The following PHOX2B variants were observed in gnomAD, a reference collection of about 807,000 sequenced individuals.
The protein encoded by PHOX2B is paired mesoderm homeobox protein 2B.
PHOX2B carries 1 observed loss-of-function variant against 15.5 expected under a neutral mutation model. The ratio of observed to expected loss-of-function variants is 0.06; its 90% CI spans 0.02 to 0.31. PHOX2B has a LOEUF of 0.31. PHOX2B is among the 10% of genes least tolerant of loss of function. The pLI, the probability that PHOX2B is intolerant of heterozygous loss-of-function variation, is 1.00. For missense variants in PHOX2B, 314 were observed against 436.4 expected (o/e 0.72, Z 2.50); for synonymous variants, 206 against 190.5 (o/e 1.08, Z -0.67).
rs1015432304 is a variant in PHOX2B, at chr4:41,745,288, T to C, written c.*519A>G. ...TTTCCTTATGTTTTTTAAACCTTTC[T>C]GGGTTGTTGGCTTTTTGTTTTTTAA... On this transcript the variant is annotated 3_prime_UTR_variant, in exon 3 of 3. Coordinates refer to ENST00000226382, the MANE Select transcript of PHOX2B (RefSeq NM_003924.4). The surrounding 1 kb of genome is among the most constrained non-coding windows in gnomAD (Gnocchi z 4.0). The C allele has an allele frequency of 4.7e-5, 11 of 233,872 alleles. No individual in the cohort carries two copies. The highest frequency in any genetic ancestry group is 2.4e-4 in the African/African-American group (11 of 45,352). The allele number at this position is 233,872 out of a possible 1,614,324, so 14.5% of individuals were successfully genotyped here.
Position 41,745,481 on chromosome 4 carries a change from T to A in PHOX2B, c.*326A>T, listed in dbSNP as rs957152597. ...AAACTGACACGCAGACACAGCCCCCTGAGAGTGCCCCGCGTCCAGGCCGCG... is the reference window on the plus strand; with the variant it reads ...AAACTGACACGCAGACACAGCCCCCAGAGAGTGCCCCGCGTCCAGGCCGCG... On this transcript the variant is annotated 3_prime_UTR_variant, in exon 3 of 3. Transcript: ENST00000226382. This position sits in a 1 kb window ranked among gnomAD's most constrained non-coding sequence, Gnocchi z 4.0. 4 of 318,548 alleles carry A rather than the reference T, an allele frequency of 1.3e-5. No homozygotes were observed. The highest frequency in any genetic ancestry group is 8.6e-5 in the African/African-American group (4 of 46,254). 19.7% of individuals were successfully genotyped at this position (318,548 alleles called of 1,614,324 possible). A position where few individuals can be genotyped will look rare whatever the true frequency, so the allele number is the denominator to read the frequency against.
Position 41,745,978 on chromosome 4 carries a change from C to CGCCGCT in PHOX2B, c.768_773dup (p.Ala259_Ala260dup), listed in dbSNP as rs1157597283. 2.3e-5 allele frequency: 30 copies of CGCCGCT among 1,284,478 alleles called. No individual in the cohort carries two copies. The Admixed American group carries it at 2.4e-4, about 10-fold the overall frequency. The allele number at this position is 1,284,478 out of a possible 1,614,324, so 79.6% of individuals were successfully genotyped here. On this transcript the variant is annotated inframe_insertion, in exon 3 of 3. Transcript: ENST00000226382. The surrounding 1 kb of genome is among the most constrained non-coding windows in gnomAD (Gnocchi z 4.0). ...CAGCCGCAGCCAGGCCTCCAGCTGC[C>CGCCGCT]GCCGCTGCCGCTGCCGCCGCCGCCG...
chr4:41,745,587 T>G lies in PHOX2B; in HGVS notation c.*220A>C. ...GCAGGTGCGAAGCCAGGGAAGTTTG[T>G]TTGTTTTGTTTGGGGGTTGAGGAAG... is the stretch of plus-strand genomic sequence containing the variant. On this transcript the variant is annotated 3_prime_UTR_variant, in exon 3 of 3. Coordinates refer to ENST00000226382, the MANE Select transcript of PHOX2B (RefSeq NM_003924.4). The surrounding 1 kb of genome is among the most constrained non-coding windows in gnomAD (Gnocchi z 4.0). 2.5e-5 allele frequency: 13 copies of G among 513,564 alleles called. No homozygotes were observed. The highest frequency in any genetic ancestry group is 4.0e-5 in the Non-Finnish European group (12 of 301,138). 31.8% of individuals were successfully genotyped at this position (513,564 alleles called of 1,614,324 possible). A position where few individuals can be genotyped will look rare whatever the true frequency, so the allele number is the denominator to read the frequency against.
At position 41,744,900 on chromosome 4, in the gene PHOX2B, G is replaced by A. The variant is rs1230838404; in HGVS notation, c.*907C>T. ...TTTTGCAGAGTTTGCAGATGAAAAG[G>A]CATCTCATGGATAGGGCATCTTTCA... On this transcript the variant is annotated 3_prime_UTR_variant, in exon 3 of 3. Coordinates refer to ENST00000226382, the MANE Select transcript of PHOX2B (RefSeq NM_003924.4). The A allele has an allele frequency of 2.1e-5, 5 of 233,406 alleles. No individual in the cohort carries two copies. The East Asian group carries it at 2.4e-4, about 11-fold the overall frequency. The allele number at this position is 233,406 out of a possible 1,614,324, so 14.5% of individuals were successfully genotyped here. A position where few individuals can be genotyped will look rare whatever the true frequency, so the allele number is the denominator to read the frequency against.
Position 41,745,557 on chromosome 4 carries a change from C to A in PHOX2B, c.*250G>T. On this transcript the variant is annotated 3_prime_UTR_variant, in exon 3 of 3. Coordinates refer to ENST00000226382, the MANE Select transcript of PHOX2B (RefSeq NM_003924.4). The surrounding 1 kb of genome is among the most constrained non-coding windows in gnomAD (Gnocchi z 4.0). Reference sequence around the variant, plus strand: ...CGGAGCCCTGGCCCCGCTGCGAGGCCCCAGGCAGGTGCGAAGCCAGGGAAG... The same window carrying A: ...CGGAGCCCTGGCCCCGCTGCGAGGCACCAGGCAGGTGCGAAGCCAGGGAAG... 2.1e-6 allele frequency: 1 copy of A among 469,482 alleles called. No homozygotes were observed. The highest frequency in any genetic ancestry group is 4.1e-5 in the East Asian group (1 of 24,362). The allele number at this position is 469,482 out of a possible 1,614,324, so 29.1% of individuals were successfully genotyped here.
chr4:41,748,636 A>C lies in PHOX2B; in HGVS notation c.-26T>G. On this transcript the variant is annotated 5_prime_UTR_variant, in exon 1 of 3. Coordinates refer to ENST00000226382, the MANE Select transcript of PHOX2B (RefSeq NM_003924.4). ...TGAAAAGGTTCTGGATGGCTCAGCC[A>C]AGTGGAAAAATGAAATAAAAGATGG... is the stretch of plus-strand genomic sequence containing the variant. 6.2e-7 allele frequency: 1 copy of C among 1,610,040 alleles called. No individual in the cohort carries two copies. The highest frequency in any genetic ancestry group is 8.5e-7 in the Non-Finnish European group (1 of 1,176,686).
rs1233378399 is a variant in PHOX2B, at chr4:41,747,330, G to T, written c.429+19C>A. 2 of 1,598,236 alleles carry T rather than the reference G, an allele frequency of 1.3e-6. No individual in the cohort carries two copies. Among genetic ancestry groups the T allele is most frequent in the Non-Finnish European group, 1.7e-6 (2 of 1,175,668 alleles). On this transcript the variant is annotated intron_variant, in intron 2 of 2. Transcript: ENST00000226382. The stretch of plus-strand genomic sequence containing the variant: ...CGGACCAGTGCGGCGGAGCGGGGTC[G>T]GTTTCCAGGCGCGCGTACCTGGACT...
rs1733859714 is a variant in PHOX2B, at chr4:41,745,687, A to G, written c.*120T>C. ...TTAGCGCGATTACTTTAGGCCCTCA[A>G]TGAAAAAGCCATGGCAGCAGCGACG... On this transcript the variant is annotated 3_prime_UTR_variant, in exon 3 of 3. Transcript: ENST00000226382. This position sits in a 1 kb window ranked among gnomAD's most constrained non-coding sequence, Gnocchi z 4.0. 5 of 1,326,652 alleles carry G rather than the reference A, an allele frequency of 3.8e-6. No homozygotes were observed. The highest frequency in any genetic ancestry group is 1.4e-5 in the South Asian group (1 of 70,176). 82.2% of individuals were successfully genotyped at this position (1,326,652 alleles called of 1,614,324 possible).
At chr4:41,747,743 GTCCTT>G (rs900183109) in intron 1 of PHOX2B, 1 of 696,948 alleles carries the variant, frequency 1.4e-6, no homozygotes, top group African/African-American at 1.7e-5. Context: ...GCTTGGCGGA[GTCCTT>G]TCTGGCACAA....
rs1292727082 is a variant in PHOX2B at position 41,746,142 on chromosome 4, G to C, written c.610C>G (p.Pro204Ala). 4 of 1,609,172 alleles carry C rather than the reference G, an allele frequency of 2.5e-6. No individual in the cohort carries two copies. The highest frequency in any genetic ancestry group is 3.4e-6 in the Non-Finnish European group (4 of 1,178,914). ...STGGPGPNPN[P>A]TPSCGANGGG... Reference sequence around the variant, plus strand: ...CCATTCGCCCCGCAGCTGGGGGTGGGGTTGGGATTGGGACCTGGGCCCCCA... The same window carrying C: ...CCATTCGCCCCGCAGCTGGGGGTGGCGTTGGGATTGGGACCTGGGCCCCCA... Residue 204 changes from proline to alanine, a missense_variant, in exon 3 of 3, where the codon CCC becomes GCC. Transcript: ENST00000226382.
chr4:41,745,828 T>C lies in PHOX2B; in HGVS notation c.924A>G (p.Leu308=), dbSNP rs1335997009. The change falls in exon 3 of 3, where the codon TTA becomes TTG. Residue 308 remains leucine, a synonymous_variant. Transcript: ENST00000226382. This position sits in a 1 kb window ranked among gnomAD's most constrained non-coding sequence, Gnocchi z 4.0. ...LQRPNGAKAA[L]VKSSMF Reference sequence around the variant, plus strand: ...CAGATCAGAACATACTGCTCTTCACTAAGGCGGCTTTGGCACCGTTGGGTC... The same window carrying C: ...CAGATCAGAACATACTGCTCTTCACCAAGGCGGCTTTGGCACCGTTGGGTC... The C allele has an allele frequency of 2.1e-5, 34 of 1,607,700 alleles. No homozygotes were observed. Among genetic ancestry groups the C allele is most frequent in the African/African-American group, 8.1e-5 (6 of 73,672 alleles).
At chr4:41,747,771 G>A (rs572471687) in intron 1 of PHOX2B, 5 of 686,692 alleles carry the variant, frequency 7.3e-6, no homozygotes, top group Admixed American at 6.1e-5. Flanking sequence ...GCCTTTGGGT[G>A]GATTGAAACA....
In PHOX2B at chr4:41,744,376, T is replaced by C. The variant is rs1286634569; in HGVS notation, c.*1431A>G. ...AACCCGTGAGAACCTTATTACACCA[T>C]AAAGACACGCCATAGAGACTACAAG... is the stretch of plus-strand genomic sequence containing the variant. On this transcript the variant is annotated 3_prime_UTR_variant, in exon 3 of 3. Transcript: ENST00000226382. The C allele has an allele frequency of 4.3e-6, 1 of 229,938 alleles. No individual in the cohort carries two copies. The highest frequency in any genetic ancestry group is 8.6e-6 in the Non-Finnish European group (1 of 115,902). 14.2% of individuals were successfully genotyped at this position (229,938 alleles called of 1,614,324 possible).
intron 2 of PHOX2B, among the ~76,000 whole-genome samples, 160 bp from the exon 3 acceptor site, chr4:41,746,482 A>G (rs891237040): frequency 3.9e-5 from 6 of 152,064 alleles, no homozygotes; most frequent in Non-Finnish European, 8.8e-5. Flanking sequence ...CACCAAGTCT[A>G]CCGCTTCTTA....
In PHOX2B at chr4:41,744,451, T is replaced by C. The variant is rs976859318; in HGVS notation, c.*1356A>G. The C allele has an allele frequency of 1.3e-5, 3 of 232,356 alleles. No individual in the cohort carries two copies. Among genetic ancestry groups the C allele is most frequent in the African/African-American group, 6.6e-5 (3 of 45,240 alleles). The allele number at this position is 232,356 out of a possible 1,614,324, so 14.4% of individuals were successfully genotyped here. A position where few individuals can be genotyped will look rare whatever the true frequency, so the allele number is the denominator to read the frequency against. On this transcript the variant is annotated 3_prime_UTR_variant, in exon 3 of 3. Transcript: ENST00000226382. ...GTAGAGGAGACAGTCTGCACTGATA[T>C]TAACACGATACAATTGAGTCACAGA...
In PHOX2B at chr4:41,744,711, T is replaced by C. The variant is rs1387523885; in HGVS notation, c.*1096A>G. 3 of 232,860 alleles carry C rather than the reference T, an allele frequency of 1.3e-5. No individual in the cohort carries two copies. Among genetic ancestry groups the C allele is most frequent in the Middle Eastern group, 1.2e-3 (1 of 804 alleles). The allele number at this position is 232,860 out of a possible 1,614,324, so 14.4% of individuals were successfully genotyped here. On this transcript the variant is annotated 3_prime_UTR_variant, in exon 3 of 3. Coordinates refer to ENST00000226382, the MANE Select transcript of PHOX2B (RefSeq NM_003924.4). ...ACCCCTGCAAACGTGTGTGTGTGCC[T>C]TTTCCTTGCTCGGTAGATTTCTCTG...
chr4:41,746,092 C>T lies in PHOX2B; in HGVS notation c.660G>A (p.Pro220=), dbSNP rs1435630597. 2 of 1,537,652 alleles carry T rather than the reference C, an allele frequency of 1.3e-6. No homozygotes were observed. Among genetic ancestry groups the T allele is most frequent in the Non-Finnish European group, 8.7e-7 (1 of 1,149,588 alleles). Residue 220 remains proline (P), a synonymous_variant, in exon 3 of 3, where the codon CCG becomes CCA. Coordinates refer to ENST00000226382, the MANE Select transcript of PHOX2B (RefSeq NM_003924.4). ...GCCCCGCCGCCCCCGGAGCTCCAGC[C>T]GGGCTGGGCCCGCCGCCGCCGCCTC... is the stretch of plus-strand genomic sequence containing the variant. ...ANGGGGGGPS[P]AGAPGAAGPG... is the part of the protein sequence containing the mutation.
rs778840671 is a variant in PHOX2B, at chr4:41,745,978, CGCCGCTGCCGCTGCCGCCGCCGCCGCT to C, written c.747_773del (p.Ala252_Ala260del). 18 of 1,284,480 alleles carry C rather than the reference CGCCGCTGCCGCTGCCGCCGCCGCCGCT, an allele frequency of 1.4e-5. 2 individuals are homozygous for C. In the South Asian group the frequency reaches 2.0e-4, roughly 15 times the overall value. The allele number at this position is 1,284,480 out of a possible 1,614,324, so 79.6% of individuals were successfully genotyped here. A position where few individuals can be genotyped will look rare whatever the true frequency, so the allele number is the denominator to read the frequency against. ...CAGCCGCAGCCAGGCCTCCAGCTGC[CGCCGCTGCCGCTGCCGCCGCCGCCGCT>C]GCCGCGGCCGCCGCCGCTGCTGCTG... On this transcript the variant is annotated inframe_deletion, in exon 3 of 3. Coordinates refer to ENST00000226382, the MANE Select transcript of PHOX2B (RefSeq NM_003924.4). This position sits in a 1 kb window ranked among gnomAD's most constrained non-coding sequence, Gnocchi z 4.0.
chr4:41,746,530 T>C (rs1294911306), intron 2 of PHOX2B, among the ~76,000 whole-genome samples: 2 of 151,758 alleles, frequency 1.3e-5, no homozygotes, highest in Admixed American at 6.6e-5. Context: ...TTAGGGGGAG[T>C]GAGCACGCCA....
Sources: allele counts gnomAD v4.1 joint callset (sites outside exome capture counted in the v4.1 genomes callset), GRCh38; gene constraint gnomAD v4.1.1; non-coding constraint Gnocchi (gnomAD v3.1); transcripts MANE v1.5; gene names NCBI Gene and HGNC (gene_info 2026-07-23, HGNC 2026-07-21).